Variants in RANBP2 observed in about 807,000 individuals in gnomAD.
The protein encoded by RANBP2 is RAN binding protein 2, also known as E3 SUMO-protein ligase RanBP2.
A neutral mutation model predicts 303.6 loss-of-function variants in RANBP2; 57 were observed. That is an observed-to-expected ratio of 0.19 (90% CI 0.15 to 0.23). The LOEUF (loss-of-function observed/expected upper bound fraction) is 0.23, where lower values mean the gene tolerates loss of function less well. Among genes scored for constraint, RANBP2 ranks in the 10% least tolerant of loss-of-function variants. The pLI, the probability that RANBP2 is intolerant of heterozygous loss-of-function variation, is 1.00. For missense variants in RANBP2, 3,138 were observed against 3,780.8 expected, an observed-to-expected ratio of 0.83 and a Z score of 4.46; for synonymous variants, 1,167 against 1,301.5, an observed-to-expected ratio of 0.90 and a Z score of 2.23.
At chr2:109,706,986 A>G in the RANBP2 span, among the ~76,000 whole-genome samples, 1 of 152,184 alleles carries the variant, frequency 6.6e-6, no homozygotes. Flanking sequence ...TTGGAGAGGG[A>G]AGACCCACCA....
the RANBP2 span, among the ~76,000 whole-genome samples, chr2:109,051,237 C>G: frequency 6.6e-6 from 1 of 152,134 alleles, no homozygotes; most frequent in African/African-American, 2.4e-5. Flanking sequence ...CTTTGCCTAC[C>G]CTGCTGTCTG....
the RANBP2 span, among the ~76,000 whole-genome samples, chr2:108,868,396 A>C: frequency 6.6e-6 from 1 of 152,168 alleles, no homozygotes; most frequent in Non-Finnish European, 1.5e-5. Flanking sequence ...ATTAACTATA[A>C]ATTTATGTAA....
At chr2:109,401,294 A>C in the RANBP2 span, among the ~76,000 whole-genome samples, 1 of 152,206 alleles carries the variant, frequency 6.6e-6, no homozygotes, top group Non-Finnish European at 1.5e-5. Context: ...TTTGGCTCAA[A>C]GGGAAGTTGC....
the RANBP2 span, among the ~76,000 whole-genome samples, chr2:109,602,762 A>G: frequency 6.6e-6 from 1 of 152,034 alleles, no homozygotes; most frequent in African/African-American, 2.4e-5. Flanking sequence ...AGGTGACAGA[A>G]AAGCCAATGA....
chr2:109,314,628 T>C, the RANBP2 span, among the ~76,000 whole-genome samples: 3 of 152,262 alleles, frequency 2.0e-5, no homozygotes. Context: ...TCCATGGTCT[T>C]TAAAGGTTTG....
the RANBP2 span, chr2:109,124,660 A>C: frequency 6.6e-6 from 1 of 152,146 alleles, no homozygotes; most frequent in Non-Finnish European, 1.5e-5. Context: ...AAAAGTGACC[A>C]TTTTACCCAT....
chr2:108,821,928 CAAAA>C, the RANBP2 span, among the ~76,000 whole-genome samples: 2 of 130,854 alleles, frequency 1.5e-5, no homozygotes, highest in Non-Finnish European at 3.2e-5. Context: ...AACTTTGTCT[CAAAA>C]AAAAAAAAAA....
chr2:108,986,473 G>C, the RANBP2 span, among the ~76,000 whole-genome samples: 1 of 152,074 alleles, frequency 6.6e-6, no homozygotes, highest in African/African-American at 2.4e-5. Context: ...TGTCAGTGTT[G>C]GAGGCAGAGG....
rs2149280383 is a variant in RANBP2, at chr2:108,766,425, C to G, written c.5886C>G (p.Gly1962=). ...KSTSGEGFQF[G]KKDPNFKGFS... ...CTTCAGGAGAAGGATTTCAGTTTGG[C>G]AAAAAAGACCCCAATTTCAAGGGAT... Residue 1962 remains glycine, a synonymous_variant, in exon 20 of 29, where the codon GGC becomes GGG. Transcript: ENST00000283195. The G allele has an allele frequency of 6.2e-7, 1 of 1,611,700 alleles. No homozygotes were observed. The highest frequency in any genetic ancestry group is 8.5e-7 in the Non-Finnish European group (1 of 1,179,794).
chr2:109,761,257 C>G, the RANBP2 span, among the ~76,000 whole-genome samples: 2 of 148,360 alleles, frequency 1.3e-5, no homozygotes, highest in Non-Finnish European at 3.0e-5. Context: ...TCGGCTGCAT[C>G]CTTTCTGTCT....
At chr2:109,658,000 G>T in the RANBP2 span, among the ~76,000 whole-genome samples, 2 of 151,772 alleles carry the variant, frequency 1.3e-5, no homozygotes, top group Admixed American at 1.3e-4. Flanking sequence ...GATTACAGGC[G>T]TGAGCCACCG....
the RANBP2 span, among the ~76,000 whole-genome samples, chr2:109,418,973 A>G: frequency 6.6e-6 from 1 of 152,058 alleles, no homozygotes; most frequent in African/African-American, 2.4e-5. Context: ...CGCACCCCTG[A>G]TGCTGACCGT....
At chr2:109,399,102 GC>G in the RANBP2 span, among the ~76,000 whole-genome samples, 1 of 152,108 alleles carries the variant, frequency 6.6e-6, no homozygotes, top group African/African-American at 2.4e-5. Flanking sequence ...TGGCACTGGG[GC>G]CCCCCTAGAA....
the RANBP2 span, among the ~76,000 whole-genome samples, chr2:109,001,663 T>A: frequency 6.6e-6 from 1 of 152,228 alleles, no homozygotes; most frequent in African/African-American, 2.4e-5. Context: ...CCCTAAATTC[T>A]CCACGCTACT....
chr2:109,354,764 C>T, the RANBP2 span, among the ~76,000 whole-genome samples: 1 of 152,218 alleles, frequency 6.6e-6, no homozygotes, highest in East Asian at 1.9e-4. Context: ...CACAAAGGCG[C>T]ATCTGTGTCT....
the RANBP2 span, among the ~76,000 whole-genome samples, chr2:108,942,874 TTTTG>T: frequency 6.1e-4 from 93 of 152,256 alleles, no homozygotes; most frequent in African/African-American, 1.8e-3. Context: ...CGGGTAGGAT[TTTTG>T]TTTGTTTGTT....
the RANBP2 span, among the ~76,000 whole-genome samples, chr2:109,198,412 G>C: frequency 2.6e-5 from 4 of 152,152 alleles, no homozygotes; most frequent in Admixed American, 2.6e-4. Flanking sequence ...AGAGGTAGAG[G>C]GGCACAGTGG....
the RANBP2 span, chr2:109,613,951 C>A: frequency 8.2e-7 from 1 of 1,213,050 alleles, no homozygotes. Flanking sequence ...TAGGCTGCCT[C>A]CGCGACGGGG....
the RANBP2 span, among the ~76,000 whole-genome samples, chr2:109,590,338 GATTT>G: frequency 6.6e-6 from 1 of 152,022 alleles, no homozygotes; most frequent in Non-Finnish European, 1.5e-5. Flanking sequence ...TCTGAGAAGA[GATTT>G]TACAGAGTGA....
Sources: allele counts gnomAD v4.1 joint callset (sites outside exome capture counted in the v4.1 genomes callset), GRCh38; gene constraint gnomAD v4.1.1; transcripts MANE v1.5; gene names NCBI Gene and HGNC (gene_info 2026-07-23, HGNC 2026-07-21).